GALNT13: variants seen among roughly 807,000 people sequenced by gnomAD.
GALNT13 encodes UDP-GalNAc:polypeptide N-acetylgalactosaminyltransferase 13.
A neutral mutation model predicts 64.2 loss-of-function variants in GALNT13; 28 were observed. That is an observed-to-expected ratio of 0.44 (90% CI 0.32 to 0.60). The LOEUF (loss-of-function observed/expected upper bound fraction) is 0.60. Among genes scored for constraint, GALNT13 ranks in the 20% least tolerant of loss-of-function variants. GALNT13 has a pLI of 0.05. For synonymous variants in GALNT13, 214 were observed against 224.6 expected (o/e 0.95, Z 0.42); for missense variants, 577 against 669.8 (o/e 0.86, Z 1.53).
chr2:153,358,576 T>C, the GALNT13 span, among the ~76,000 whole-genome samples: 2 of 152,184 alleles, frequency 1.3e-5, no homozygotes, highest in Admixed American at 1.3e-4. Flanking sequence ...ATAGCTGATA[T>C]GGATATTTTT....
At chr2:153,532,404 C>T in the GALNT13 span, among the ~76,000 whole-genome samples, 1 of 152,102 alleles carries the variant, frequency 6.6e-6, no homozygotes, top group South Asian at 2.1e-4. Context: ...CAGCCCTGGG[C>T]CTGACACAAA....
At chr2:153,306,077 G>A in the GALNT13 span, among the ~76,000 whole-genome samples, 2 of 152,186 alleles carry the variant, frequency 1.3e-5, no homozygotes, top group Non-Finnish European at 2.9e-5. Flanking sequence ...ATTGTAAACA[G>A]AAGTTTAATC....
chr2:153,264,547 T>C, the GALNT13 span, among the ~76,000 whole-genome samples: 2 of 152,134 alleles, frequency 1.3e-5, no homozygotes, highest in African/African-American at 4.8e-5. Context: ...AAAATGCCCA[T>C]CAATGATAGA....
chr2:153,940,350 C>G (rs1199154691), intron 2 of GALNT13, among the ~76,000 whole-genome samples: 3 of 151,498 alleles, frequency 2.0e-5, no homozygotes, highest in African/African-American at 2.4e-5. Context: ...CTCCGCCCCC[C>G]AGGTTCAAGT....
the GALNT13 span, among the ~76,000 whole-genome samples, chr2:153,398,384 C>G: frequency 6.6e-6 from 1 of 152,006 alleles, no homozygotes; most frequent in Non-Finnish European, 1.5e-5. Context: ...AATAAACATA[C>G]GTGTGCATGT....
intron 3 of GALNT13, among the ~76,000 whole-genome samples, chr2:154,045,515 T>C (rs984266097): frequency 2.0e-5 from 3 of 152,184 alleles, no homozygotes; most frequent in Non-Finnish European, 4.4e-5. Context: ...GACCCTTGCT[T>C]CAGTCATCTT....
intron 2 of GALNT13, among the ~76,000 whole-genome samples, chr2:153,919,663 A>T (rs1404947368): frequency 6.6e-6 from 1 of 151,852 alleles, no homozygotes; most frequent in Non-Finnish European, 1.5e-5. Context: ...ATAGCTTAAT[A>T]TTTGAATGAA....
intron 3 of GALNT13, among the ~76,000 whole-genome samples, chr2:153,954,934 T>C (rs1692455719): frequency 6.6e-6 from 1 of 151,994 alleles, no homozygotes; most frequent in East Asian, 1.9e-4. Context: ...GTATGAACTA[T>C]TTATACAAAC....
the GALNT13 span, among the ~76,000 whole-genome samples, chr2:153,581,900 G>A: frequency 2.4e-4 from 36 of 152,116 alleles, no homozygotes; most frequent in African/African-American, 7.9e-4. Flanking sequence ...TAATGATCAA[G>A]GTCCTTTGAA....
chr2:153,177,115 A>C, the GALNT13 span, among the ~76,000 whole-genome samples: 2 of 145,382 alleles, frequency 1.4e-5, no homozygotes, highest in Non-Finnish European at 3.0e-5. Context: ...GATTAATACA[A>C]TAAAATTACC....
intron 4 of GALNT13, among the ~76,000 whole-genome samples, chr2:154,185,533 C>G (rs1280880274): frequency 2.0e-5 from 3 of 151,708 alleles, no homozygotes. Flanking sequence ...GTTTTCTTCA[C>G]TTTTTTATTG....
chr2:153,820,092 C>T, the GALNT13 span, among the ~76,000 whole-genome samples: 1 of 152,154 alleles, frequency 6.6e-6, no homozygotes, highest in East Asian at 1.9e-4. Flanking sequence ...GAAAAACTCA[C>T]TTAAGGAATT....
chr2:153,917,134 T>TA, intron 2 of GALNT13, among the ~76,000 whole-genome samples: 1 of 152,024 alleles, frequency 6.6e-6, no homozygotes, highest in African/African-American at 2.4e-5. Flanking sequence ...GTGCATTTTT[T>TA]TTTTGCCTAA....
At chr2:154,157,490 G>T (rs750971653) in intron 4 of GALNT13, among the ~76,000 whole-genome samples, 2 of 152,116 alleles carry the variant, frequency 1.3e-5, no homozygotes, top group African/African-American at 4.8e-5. Context: ...TGGGACTACA[G>T]AATCCTGCTT....
At chr2:154,418,617 CA>C (rs993199655) in intron 11 of GALNT13, among the ~76,000 whole-genome samples, 64 of 152,226 alleles carry the variant, frequency 4.2e-4, no homozygotes, top group African/African-American at 1.5e-3. Flanking sequence ...ACCTGATTCC[CA>C]CCCAGTAAAA....
intron 4 of GALNT13, among the ~76,000 whole-genome samples, chr2:154,154,476 T>C (rs1173127751): frequency 6.6e-6 from 1 of 152,148 alleles, no homozygotes; most frequent in Non-Finnish European, 1.5e-5. Flanking sequence ...AAAAACATGA[T>C]GTGATGGAAA....
intron 3 of GALNT13, among the ~76,000 whole-genome samples, chr2:154,040,001 GT>G (rs1698888869): frequency 7.1e-6 from 1 of 140,606 alleles, no homozygotes; most frequent in Admixed American, 7.1e-5. Context: ...GACAAACTGT[GT>G]TTTTTAAGTT....
At chr2:153,822,945 GA>G in the GALNT13 span, among the ~76,000 whole-genome samples, 106 of 151,774 alleles carry the variant, frequency 7.0e-4, no homozygotes, top group Middle Eastern at 3.4e-3. Context: ...AAATATATGT[GA>G]AAAAAAATAG....
the GALNT13 span, among the ~76,000 whole-genome samples, chr2:153,786,487 C>T: frequency 1.3e-5 from 2 of 152,228 alleles, no homozygotes; most frequent in Admixed American, 6.5e-5. Flanking sequence ...GACAACTCCT[C>T]TGCCACTGCC....
Sources: allele counts gnomAD v4.1 joint callset (sites outside exome capture counted in the v4.1 genomes callset), GRCh38; gene constraint gnomAD v4.1.1; transcripts MANE v1.5; gene names NCBI Gene and HGNC (gene_info 2026-07-23, HGNC 2026-07-21).